Variants in MAML2 observed in about 807,000 individuals in gnomAD.
The protein encoded by MAML2 is mastermind like transcriptional coactivator 2.
MAML2 carries 22 observed loss-of-function variants against 96.1 expected under a neutral mutation model. The observed-to-expected ratio is 0.23, with a 90% confidence interval of 0.16 to 0.33. MAML2 has a LOEUF of 0.33. Among genes scored for constraint, MAML2 ranks in the 10% least tolerant of loss-of-function variants. MAML2 has a pLI of 1.00. For synonymous variants in MAML2, 561 were observed against 521.3 expected (o/e 1.08, Z -1.04); for missense variants, 1,367 against 1,392.4 (o/e 0.98, Z 0.29).
At chr11:96,004,706 T>G (rs1043822363) in intron 2 of MAML2, among the ~76,000 whole-genome samples, 2 of 152,236 alleles carry the variant, frequency 1.3e-5, no homozygotes, top group East Asian at 1.9e-4. Flanking sequence ...TATACAATTT[T>G]GTATATTTTG....
chr11:96,184,567 G>T (rs1472429183), intron 1 of MAML2, among the ~76,000 whole-genome samples: 1 of 151,196 alleles, frequency 6.6e-6, no homozygotes, highest in Non-Finnish European at 1.5e-5. Flanking sequence ...TGGAATGCAA[G>T]CAACTCTGAA....
chr11:95,996,501 T>C (rs1369387829), intron 2 of MAML2, among the ~76,000 whole-genome samples: 4 of 152,142 alleles, frequency 2.6e-5, no homozygotes, highest in African/African-American at 7.2e-5. Context: ...AAACTGGTGC[T>C]TGGGTGAAGG....
intron 1 of MAML2, among the ~76,000 whole-genome samples, chr11:96,245,905 A>AT (rs1862505690): frequency 6.6e-6 from 1 of 151,964 alleles, no homozygotes; most frequent in South Asian, 2.1e-4. Flanking sequence ...GGGTTTCACC[A>AT]TGTTGGTCAG....
chr11:95,993,877 T>A (rs1264143243), intron 2 of MAML2, among the ~76,000 whole-genome samples: 1 of 152,214 alleles, frequency 6.6e-6, no homozygotes, highest in Admixed American at 6.5e-5. Context: ...GTCCGTGCTT[T>A]ACGTGATTTA....
intron 2 of MAML2, among the ~76,000 whole-genome samples, chr11:95,992,405 G>A (rs1297110973): frequency 6.6e-6 from 1 of 152,104 alleles, no homozygotes; most frequent in East Asian, 1.9e-4. Context: ...AAATAATATT[G>A]GGTATTGGTG....
intron 1 of MAML2, among the ~76,000 whole-genome samples, chr11:96,198,967 G>T (rs1861772071): frequency 6.6e-6 from 1 of 151,546 alleles, no homozygotes; most frequent in Admixed American, 6.6e-5. Flanking sequence ...GGAGGCCGAG[G>T]CAGGCGGATC....
chr11:96,281,299 G>A (rs1863060041), intron 1 of MAML2, among the ~76,000 whole-genome samples: 1 of 152,136 alleles, frequency 6.6e-6, no homozygotes, highest in Non-Finnish European at 1.5e-5. Flanking sequence ...AGGGAAGTGG[G>A]GTCTGGTGGC....
chr11:96,314,709 G>T (rs1591128145), intron 1 of MAML2, among the ~76,000 whole-genome samples: 2 of 152,300 alleles, frequency 1.3e-5, no homozygotes, highest in Admixed American at 1.3e-4. Flanking sequence ...GTCAACTACT[G>T]TTCCATTATT....
intron 1 of MAML2, among the ~76,000 whole-genome samples, chr11:96,280,253 G>T (rs1218679656): frequency 6.6e-6 from 1 of 152,140 alleles, no homozygotes; most frequent in Non-Finnish European, 1.5e-5. Flanking sequence ...AGTTTAACTA[G>T]CTGTGTATCT....
chr11:96,284,741 T>A (rs149580611), intron 1 of MAML2, among the ~76,000 whole-genome samples: 2,727 of 152,258 alleles, frequency 0.018, 31 homozygotes, highest in Non-Finnish European at 0.025. Flanking sequence ...GAAAGAAAAA[T>A]ATGAATTTGG....
intron 1 of MAML2, among the ~76,000 whole-genome samples, chr11:96,206,585 G>A (rs946088840): frequency 1.3e-5 from 2 of 152,190 alleles, no homozygotes; most frequent in African/African-American, 4.8e-5. Flanking sequence ...GTGAAAGAGC[G>A]AGACTCCATC....
intron 2 of MAML2, among the ~76,000 whole-genome samples, chr11:96,058,313 T>TG: frequency 6.7e-6 from 1 of 150,188 alleles, no homozygotes; most frequent in Non-Finnish European, 1.5e-5. Context: ...TTTGTTTGTT[T>TG]TGTTTTGCTT....
In MAML2 at chr11:96,170,839, C is replaced by T. The variant is rs1032978154; in HGVS notation, c.514-77322G>A. Among the ~76,000 whole-genome samples, 5 of 152,088 alleles carry T rather than the reference C, an allele frequency of 3.3e-5. No individual in the cohort carries two copies. The South Asian group carries it at 6.2e-4, about 19-fold the overall frequency. On this transcript the variant is annotated intron_variant, in intron 1 of 4. Coordinates refer to ENST00000524717, the MANE Select transcript of MAML2 (RefSeq NM_032427.4). ...ACGCCATTCTCCTGCCTCAGCCTCC[C>T]GAGTAGCTGGGACTACAGGTGACCG...
chr11:96,203,052 T>C (rs1399422045), intron 1 of MAML2, among the ~76,000 whole-genome samples: 1 of 152,196 alleles, frequency 6.6e-6, no homozygotes, highest in Non-Finnish European at 1.5e-5. Context: ...TTTAAAATCA[T>C]TTATGAATGA....
At chr11:96,200,385 A>G (rs1861802171) in intron 1 of MAML2, among the ~76,000 whole-genome samples, 1 of 152,208 alleles carries the variant, frequency 6.6e-6, no homozygotes, top group Admixed American at 6.5e-5. Context: ...GTCAGATCTC[A>G]GAGTAAACAC....
chr11:96,181,959 C>T (rs1319943958), intron 1 of MAML2, among the ~76,000 whole-genome samples: 1 of 152,098 alleles, frequency 6.6e-6, no homozygotes, highest in Non-Finnish European at 1.5e-5. Flanking sequence ...AGTTTTATGT[C>T]TCATCTTGGC....
At chr11:96,138,759 G>C (rs1860681121) in intron 1 of MAML2, among the ~76,000 whole-genome samples, 1 of 151,748 alleles carries the variant, frequency 6.6e-6, no homozygotes, top group South Asian at 2.1e-4. Flanking sequence ...TTTCCAGGTA[G>C]AGATCGGTGA....
Position 96,341,378 on chromosome 11 carries a change from C to T in MAML2, c.513+5G>A, listed in dbSNP as rs1398647744. ...GCCAGAACCATGAGAAAGCCAGGTG[C>T]TTACCGCAATCAGGGCTGAGTTCCT... On this transcript the variant is annotated splice_donor_5th_base_variant and intron_variant, in intron 1 of 4. Coordinates refer to ENST00000524717, the MANE Select transcript of MAML2 (RefSeq NM_032427.4). The T allele has an allele frequency of 6.6e-7, 1 of 1,511,016 alleles. No homozygotes were observed. Among genetic ancestry groups the T allele is most frequent in the African/African-American group, 1.4e-5 (1 of 72,476 alleles). 93.6% of individuals were successfully genotyped at this position (1,511,016 alleles called of 1,614,324 possible). A position where few individuals can be genotyped will look rare whatever the true frequency, so the allele number is the denominator to read the frequency against.
intron 2 of MAML2, among the ~76,000 whole-genome samples, chr11:96,045,611 G>A (rs938527680): frequency 6.6e-5 from 10 of 152,274 alleles, no homozygotes; most frequent in South Asian, 2.1e-4. Context: ...AGAAAGTAAC[G>A]TTTGGGCTGA....
Sources: gnomAD v4.1 joint callset for allele counts (sites outside exome capture counted in the v4.1 genomes callset) on GRCh38, gnomAD v4.1.1 for gene constraint, MANE v1.5 for transcripts, NCBI Gene and HGNC (gene_info 2026-07-23, HGNC 2026-07-21) for gene names.